Variants in METTL24 observed in about 807,000 individuals in gnomAD.
METTL24 encodes the protein probable methyltransferase-like protein 24.
A neutral mutation model predicts 32.7 loss-of-function variants in METTL24; 29 were observed. The observed-to-expected ratio is 0.89, with a 90% CI of 0.66 to 1.21. The LOEUF (loss-of-function observed/expected upper bound fraction) is 1.21. Ranked by LOEUF, METTL24 falls within the 50% of genes most tolerant of loss-of-function variation. METTL24 has a pLI of 0.00. For synonymous variants in METTL24, 163 were observed against 179.5 expected (o/e 0.91, Z 0.73); for missense variants, 439 against 468.1 (o/e 0.94, Z 0.57).
Position 110,358,157 on chromosome 6 carries a change from CCGGG to C in METTL24, c.112_115del (p.Pro38GlyfsTer35). ...CGGCGGGGCGCTGCGGGTGGGGGAC[CCGGG>C]CCCGGCGCGCCGCAGCTCTGCGCAG... On this transcript the variant is annotated frameshift_variant, in exon 1 of 5. Coordinates refer to ENST00000338882, the MANE Select transcript of METTL24 (RefSeq NM_001123364.3). LOFTEE classifies it high-confidence loss of function. The C allele has an allele frequency of 4.2e-6, 5 of 1,199,296 alleles. No homozygotes were observed. Among genetic ancestry groups the C allele is most frequent in the Non-Finnish European group, 5.2e-6 (5 of 968,416 alleles). 74.3% of individuals were successfully genotyped at this position (1,199,296 alleles called of 1,614,324 possible). A position where few individuals can be genotyped will look rare whatever the true frequency, so the allele number is the denominator to read the frequency against.
intron 4 of METTL24, among the ~76,000 whole-genome samples, chr6:110,255,123 C>G (rs1415327346): frequency 1.3e-5 from 2 of 152,082 alleles, no homozygotes; most frequent in Non-Finnish European, 2.9e-5. Flanking sequence ...TATGAAGGGT[C>G]ACTCTAAGCT....
In METTL24 at chr6:110,244,048, T is replaced by G. The variant is rs1289928920; in HGVS notation, c.*1898A>C. Among the ~76,000 whole-genome samples the G allele has an allele frequency of 6.6e-6, 1 of 152,216 alleles. No homozygotes were observed. Among genetic ancestry groups the G allele is most frequent in the Non-Finnish European group, 1.5e-5 (1 of 68,034 alleles). On this transcript the variant is annotated 3_prime_UTR_variant, in exon 5 of 5. Coordinates refer to ENST00000338882, the MANE Select transcript of METTL24 (RefSeq NM_001123364.3). Reference sequence around the variant, plus strand: ...TTTGAACCGCTGAGAACCTAAACTTTCCACTTAACTTTTAATGTAGAAAGG... The same window carrying G: ...TTTGAACCGCTGAGAACCTAAACTTGCCACTTAACTTTTAATGTAGAAAGG...
intron 4 of METTL24, among the ~76,000 whole-genome samples, chr6:110,262,150 A>G (rs1208393256): frequency 6.6e-6 from 1 of 152,150 alleles, no homozygotes; most frequent in Non-Finnish European, 1.5e-5. Flanking sequence ...GATACAAAAA[A>G]CCCTTCAAAA....
rs1279819107 is a variant in METTL24 at position 110,246,210 on chromosome 6, T to C, written c.837A>G (p.Glu279=). 1.2e-6 allele frequency: 2 copies of C among 1,614,018 alleles called. No individual in the cohort carries two copies. Among genetic ancestry groups the C allele is most frequent in the South Asian group, 2.2e-5 (2 of 91,054 alleles). Residue 279 remains glutamate (E), a synonymous_variant, in exon 5 of 5, where the codon GAA becomes GAG. Coordinates refer to ENST00000338882, the MANE Select transcript of METTL24 (RefSeq NM_001123364.3). ...CAAGAACATCTTCCAGAATAAGATTTTCCAAAACTTTCCATTCTGCACTTT... is the reference window on the plus strand; with the variant it reads ...CAAGAACATCTTCCAGAATAAGATTCTCCAAAACTTTCCATTCTGCACTTT... ...DLESAEWKVL[E]NLILEDVLEQ...
chr6:110,326,083 G>A (rs1772011792), intron 1 of METTL24, among the ~76,000 whole-genome samples: 1 of 152,188 alleles, frequency 6.6e-6, no homozygotes. Flanking sequence ...TCTTCCGCAA[G>A]GCAGGTGAGA....
At chr6:110,338,790 C>T (rs1772290393) in intron 1 of METTL24, among the ~76,000 whole-genome samples, 1 of 152,182 alleles carries the variant, frequency 6.6e-6, no homozygotes, top group Non-Finnish European at 1.5e-5. Flanking sequence ...AATCATTTAA[C>T]AGCACTGAGC....
At position 110,307,791 on chromosome 6, in the gene METTL24, T is replaced by A. The variant is rs561412342; in HGVS notation, c.557+7551A>T. The stretch of plus-strand genomic sequence containing the variant: ...CTGCTACAACCCATTTCTGAAATAA[T>A]TAAGCAGTTAACACGTATATTCAAA... On this transcript the variant is annotated intron_variant, in intron 3 of 4. Transcript: ENST00000338882. Among the ~76,000 whole-genome samples, 5 of 152,334 alleles carry A rather than the reference T, an allele frequency of 3.3e-5. No homozygotes were observed. The East Asian group carries it at 5.8e-4, about 18-fold the overall frequency.
intron 4 of METTL24, among the ~76,000 whole-genome samples, chr6:110,296,005 C>T (rs978864613): frequency 3.3e-5 from 5 of 151,678 alleles, no homozygotes; most frequent in African/African-American, 9.7e-5. Flanking sequence ...TCATTGTCCT[C>T]ATTTAACTGA....
intron 4 of METTL24, among the ~76,000 whole-genome samples, chr6:110,259,262 C>T (rs368114409): frequency 2.6e-5 from 4 of 152,278 alleles, no homozygotes; most frequent in South Asian, 2.1e-4. Context: ...CAGGTCACTC[C>T]CACCCTAATA....
rs553069981 is a variant in METTL24 at position 110,286,059 on chromosome 6, C to T, written c.786+12863G>A. Among the ~76,000 whole-genome samples the T allele has an allele frequency of 4.6e-5, 7 of 152,308 alleles. No homozygotes were observed. The East Asian group carries it at 1.2e-3, about 25-fold the overall frequency. ...TCCTTGCTCCTTTCTCTCACTAACA[C>T]GTGCTCGTTTGCTTCCACAACATTC... On this transcript the variant is annotated intron_variant, in intron 4 of 4. Transcript: ENST00000338882.
intron 1 of METTL24, among the ~76,000 whole-genome samples, chr6:110,336,645 C>A (rs1287651780): frequency 6.7e-6 from 1 of 149,210 alleles, no homozygotes; most frequent in African/African-American, 2.5e-5. Context: ...GAGGCTGAGG[C>A]AGAAGAATGG....
intron 4 of METTL24, among the ~76,000 whole-genome samples, chr6:110,262,342 T>C (rs1231861355): frequency 6.6e-6 from 1 of 152,180 alleles, no homozygotes; most frequent in Non-Finnish European, 1.5e-5. Context: ...TAAACACCTC[T>C]ACACAAATAA....
intron 4 of METTL24, among the ~76,000 whole-genome samples, chr6:110,267,475 G>T (rs375421122): frequency 2.6e-4 from 39 of 152,288 alleles, no homozygotes; most frequent in African/African-American, 8.7e-4. Context: ...CTTCATCTTA[G>T]TAAACATGCT....
At position 110,322,937 on chromosome 6, in the gene METTL24, C is replaced by T. The variant is rs1771955573; in HGVS notation, c.319-65G>A. 34 of 1,333,344 alleles carry T rather than the reference C, an allele frequency of 2.5e-5. No homozygotes were observed. In the South Asian group the frequency reaches 4.1e-4, roughly 16 times the overall value. 82.6% of individuals were successfully genotyped at this position (1,333,344 alleles called of 1,614,324 possible). On this transcript the variant is annotated intron_variant, in intron 1 of 4. Transcript: ENST00000338882. ...GGAACTGGGTGGGAGGAGAAGGACA[C>T]AGTATCAGAGAGGAAGCAAGGCTGC...
rs577453162 is a variant in METTL24, at chr6:110,288,296, G to T, written c.786+10626C>A. 9.9e-5 allele frequency among the ~76,000 whole-genome samples: 15 copies of T among 152,214 alleles called. No homozygotes were observed. In the East Asian group the frequency reaches 2.5e-3, roughly 26 times the overall value. On this transcript the variant is annotated intron_variant, in intron 4 of 4. Coordinates refer to ENST00000338882, the MANE Select transcript of METTL24 (RefSeq NM_001123364.3). ...AGCCAGCACTATCAGCATCATCTTG[G>T]AGCTTACTAGAAATACAGAACCTCA...
At chr6:110,353,064 C>T (rs558051980) in intron 1 of METTL24, among the ~76,000 whole-genome samples, 11 of 152,252 alleles carry the variant, frequency 7.2e-5, no homozygotes, top group African/African-American at 2.4e-4. Context: ...TGAGGAACTA[C>T]GGGGTTTGGA....
At chr6:110,256,951 C>G (rs969790240) in intron 4 of METTL24, among the ~76,000 whole-genome samples, 2 of 152,178 alleles carry the variant, frequency 1.3e-5, no homozygotes, top group African/African-American at 4.8e-5. Flanking sequence ...CTGGTCATCT[C>G]CCCCTCTGAC....
intron 4 of METTL24, among the ~76,000 whole-genome samples, chr6:110,295,403 T>C (rs1203967765): frequency 6.6e-6 from 1 of 152,174 alleles, no homozygotes; most frequent in Non-Finnish European, 1.5e-5. Context: ...AAGTGGACAC[T>C]GAGCCTTGGC....
intron 3 of METTL24, among the ~76,000 whole-genome samples, chr6:110,300,576 A>G (rs1209564071): frequency 6.6e-6 from 1 of 152,026 alleles, no homozygotes; most frequent in Non-Finnish European, 1.5e-5. Flanking sequence ...GTGCCCCACC[A>G]TGCCTGGCTA....
Sources: gnomAD v4.1 joint callset for allele counts (sites outside exome capture counted in the v4.1 genomes callset) on GRCh38, gnomAD v4.1.1 for gene constraint, MANE v1.5 for transcripts, NCBI Gene and HGNC (gene_info 2026-07-23, HGNC 2026-07-21) for gene names.